WDPCP: variants seen among roughly 807,000 people sequenced by gnomAD.
The protein encoded by WDPCP is WD repeat-containing and planar cell polarity effector protein fritz homolog.
A neutral mutation model predicts 93.1 loss-of-function variants in WDPCP; 71 were observed. That is an observed-to-expected ratio of 0.76 (90% CI 0.63 to 0.93). The LOEUF (loss-of-function observed/expected upper bound fraction) is 0.93. Ranked by LOEUF, WDPCP falls within the 40% of genes least tolerant of loss-of-function variation. The probability of loss-of-function intolerance (pLI) is 0.00; values close to 1 mark genes in which losing one functional copy is unlikely to be tolerated. For missense variants in WDPCP, 844 were observed against 887.4 expected, an observed-to-expected ratio of 0.95 and a Z score of 0.62; for synonymous variants, 315 against 315.0, an observed-to-expected ratio of 1.00 and a Z score of 0.00.
chr2:63,619,545 C>G (rs190840281), intron 3 of WDPCP, among the ~76,000 whole-genome samples: 1 of 152,292 alleles, frequency 6.6e-6, no homozygotes, highest in East Asian at 1.9e-4. Context: ...TACTCTTCCT[C>G]GGTCTATGTC....
chr2:63,391,973 T>C (rs1165911747), intron 10 of WDPCP, among the ~76,000 whole-genome samples: 1 of 152,152 alleles, frequency 6.6e-6, no homozygotes, highest in African/African-American at 2.4e-5. Context: ...AGGTAATTTA[T>C]AGATTCAATG....
intron 14 of WDPCP, among the ~76,000 whole-genome samples, chr2:63,209,487 A>G (rs1423167669): frequency 6.6e-6 from 1 of 152,208 alleles, no homozygotes; most frequent in Non-Finnish European, 1.5e-5. Context: ...CATTGCTTCA[A>G]CACCCACTGT....
At chr2:63,704,166 G>A (rs927672603) in intron 2 of WDPCP, among the ~76,000 whole-genome samples, 1 of 152,198 alleles carries the variant, frequency 6.6e-6, no homozygotes, top group African/African-American at 2.4e-5. Flanking sequence ...CTGCGACTTT[G>A]CTGAAGTTGC....
intron 9 of WDPCP, among the ~76,000 whole-genome samples, chr2:63,427,469 C>G (rs1218474468): frequency 6.6e-6 from 1 of 152,110 alleles, no homozygotes; most frequent in Non-Finnish European, 1.5e-5. Context: ...GGAAATTAAA[C>G]AACTTACTCC....
At chr2:63,200,741 G>A (rs1292442202) in intron 14 of WDPCP, among the ~76,000 whole-genome samples, 1 of 152,014 alleles carries the variant, frequency 6.6e-6, no homozygotes, top group East Asian at 1.9e-4. Flanking sequence ...ATAAGACCTA[G>A]TATTTGCTAG....
At chr2:63,489,423 C>T (rs1700745051) in intron 2 of WDPCP, among the ~76,000 whole-genome samples, 1 of 152,116 alleles carries the variant, frequency 6.6e-6, no homozygotes, top group South Asian at 2.1e-4. Context: ...TCTGCAAGCT[C>T]TGTCCACTGA....
chr2:63,544,107 A>G (rs1002252422), intron 1 of WDPCP, among the ~76,000 whole-genome samples: 2 of 152,142 alleles, frequency 1.3e-5, no homozygotes, highest in African/African-American at 4.8e-5. Context: ...TAGTATTTTG[A>G]TAATTCTTAT....
At chr2:63,315,923 G>C (rs1487275626) in intron 12 of WDPCP, among the ~76,000 whole-genome samples, 2 of 148,218 alleles carry the variant, frequency 1.3e-5, no homozygotes, top group African/African-American at 4.9e-5. Flanking sequence ...CCACGTTCTG[G>C]GGTAATACTT....
chr2:63,512,749 G>A (rs1394325879), intron 1 of WDPCP, among the ~76,000 whole-genome samples: 2 of 152,100 alleles, frequency 1.3e-5, no homozygotes, highest in Non-Finnish European at 2.9e-5. Flanking sequence ...TTGGGAGTTG[G>A]GGGGCAAGGG....
At chr2:63,387,693 G>A (rs1293315023) in intron 10 of WDPCP, among the ~76,000 whole-genome samples, 1 of 150,570 alleles carries the variant, frequency 6.6e-6, no homozygotes, top group Admixed American at 6.7e-5. Context: ...AACTATCTCT[G>A]TTTGTAGAAA....
chr2:63,254,874 T>G (rs1430965347), intron 14 of WDPCP, among the ~76,000 whole-genome samples: 1 of 152,134 alleles, frequency 6.6e-6, no homozygotes, highest in African/African-American at 2.4e-5. Flanking sequence ...TGATCCCTCA[T>G]GAATGTAAAT....
intron 1 of WDPCP, among the ~76,000 whole-genome samples, chr2:63,817,560 A>G (rs1670955351): frequency 6.6e-6 from 1 of 152,224 alleles, no homozygotes; most frequent in African/African-American, 2.4e-5. Flanking sequence ...CCTGCCACCA[A>G]TAAAATTTTA....
intron 1 of WDPCP, among the ~76,000 whole-genome samples, chr2:63,586,072 C>A (rs1453010739): frequency 6.6e-6 from 1 of 152,094 alleles, no homozygotes; most frequent in African/African-American, 2.4e-5. Context: ...TCAAGCAGTC[C>A]TCCGGCCTTA....
At chr2:63,436,461 A>G (rs1207147472) in intron 8 of WDPCP, among the ~76,000 whole-genome samples, 1 of 152,098 alleles carries the variant, frequency 6.6e-6, no homozygotes, top group Admixed American at 6.6e-5. Context: ...CACCTCATTC[A>G]TAAGTAATAA....
intron 6 of WDPCP, among the ~76,000 whole-genome samples, chr2:63,456,973 A>T (rs1248837422): frequency 1.3e-5 from 2 of 152,154 alleles, no homozygotes; most frequent in African/African-American, 2.4e-5. Context: ...GGTTGCAGTG[A>T]GCCGAGGTTG....
chr2:63,421,412 A>G (rs909600394), intron 9 of WDPCP, among the ~76,000 whole-genome samples: 7 of 152,180 alleles, frequency 4.6e-5, no homozygotes, highest in African/African-American at 9.7e-5. Context: ...AAAACAGGCA[A>G]ATAGATCAAT....
chr2:63,601,172 A>G (rs544658065), intron 3 of WDPCP, among the ~76,000 whole-genome samples: 33 of 152,328 alleles, frequency 2.2e-4, no homozygotes, highest in African/African-American at 7.0e-4. Context: ...CAGCATGTCA[A>G]TCTGGCATAG....
At chr2:63,478,892 G>A (rs190721802) in intron 6 of WDPCP, among the ~76,000 whole-genome samples, 9 of 151,910 alleles carry the variant, frequency 5.9e-5, no homozygotes, top group Non-Finnish European at 4.4e-5. Flanking sequence ...CACGATAAAT[G>A]CAACAAAAAG....
intron 3 of WDPCP, among the ~76,000 whole-genome samples, chr2:63,620,841 T>C (rs969323872): frequency 6.6e-6 from 1 of 152,208 alleles, no homozygotes; most frequent in Non-Finnish European, 1.5e-5. Context: ...CAATCTTTGC[T>C]GTTCTGCAGC....
Sources: allele counts gnomAD v4.1 joint callset (sites outside exome capture counted in the v4.1 genomes callset), GRCh38; gene constraint gnomAD v4.1.1; transcripts MANE v1.5; gene names NCBI Gene and HGNC (gene_info 2026-07-23, HGNC 2026-07-21).